The following RUNX2 variants were observed in gnomAD, a reference collection of about 807,000 sequenced individuals.
RUNX2 encodes RUNX family transcription factor 2.
RUNX2 carries 10 observed loss-of-function variants against 51.7 expected under a neutral mutation model. The observed-to-expected ratio is 0.19, with a 90% CI of 0.12 to 0.33. The LOEUF (loss-of-function observed/expected upper bound fraction) is 0.33, where lower values mean the gene tolerates loss of function less well. Ranked by LOEUF, RUNX2 falls within the 10% of genes least tolerant of loss-of-function variation. RUNX2 has a pLI of 1.00. For missense variants in RUNX2, 562 were observed against 691.3 expected, an observed-to-expected ratio of 0.81 and a Z score of 2.10; for synonymous variants, 276 against 273.6, an observed-to-expected ratio of 1.01 and a Z score of -0.09.
Position 45,500,868 on chromosome 6 carries a change from T to C in RUNX2, c.859+8754T>C, listed in dbSNP as rs1165824016. Among the ~76,000 whole-genome samples, 5 of 152,148 alleles carry C rather than the reference T, an allele frequency of 3.3e-5. No individual in the cohort carries two copies. The East Asian group carries it at 9.6e-4, about 29-fold the overall frequency. On this transcript the variant is annotated intron_variant, in intron 6 of 8. Coordinates refer to ENST00000647337, the MANE Select transcript of RUNX2 (RefSeq NM_001024630.4). ...GTACAACACAGGGGAACAAGGAAGA[T>C]GTTGAGCCAGTTTCCCATGTGGGGG...
At chr6:45,512,826 A>G (rs924942020) in intron 7 of RUNX2, among the ~76,000 whole-genome samples, 6 of 152,094 alleles carry the variant, frequency 3.9e-5, no homozygotes, top group African/African-American at 1.4e-4. Flanking sequence ...TATAAGTCCC[A>G]GGAGTCCAAG....
chr6:45,361,679 T>C (rs1055389413), intron 2 of RUNX2: 4 of 152,188 alleles, frequency 2.6e-5, no homozygotes, highest in African/African-American at 9.7e-5. Flanking sequence ...TGCTCAGTTA[T>C]ATGCACTAGG....
At chr6:45,410,625 G>C (rs192871204) in intron 2 of RUNX2, among the ~76,000 whole-genome samples, 3 of 152,150 alleles carry the variant, frequency 2.0e-5, no homozygotes, top group Non-Finnish European at 4.4e-5. Flanking sequence ...TAGGGATGGT[G>C]TTTCCAGACT....
At chr6:45,467,942 T>C (rs1194858615) in intron 5 of RUNX2, among the ~76,000 whole-genome samples, 1 of 152,254 alleles carries the variant, frequency 6.6e-6, no homozygotes, top group African/African-American at 2.4e-5. Flanking sequence ...CTCTTTCTCC[T>C]TAAAGTTCTT....
chr6:45,516,808 A>G (rs1391618801), intron 7 of RUNX2, among the ~76,000 whole-genome samples: 3 of 152,256 alleles, frequency 2.0e-5, no homozygotes, highest in African/African-American at 7.2e-5. Context: ...GGAAGTCATT[A>G]CAAAATACTA....
At chr6:45,461,167 GCTAAT>G (rs1226310933) in intron 5 of RUNX2, among the ~76,000 whole-genome samples, 1 of 152,172 alleles carries the variant, frequency 6.6e-6, no homozygotes, top group Non-Finnish European at 1.5e-5. Flanking sequence ...GTAGAATCAG[GCTAAT>G]GATGCAGGGC....
rs902031954 is a variant in RUNX2, at chr6:45,398,460, A to C, written c.59-24133A>C. 1.6e-4 allele frequency among the ~76,000 whole-genome samples: 25 copies of C among 152,200 alleles called. 1 individual carries two copies. Among genetic ancestry groups the C allele is most frequent in the Admixed American group, 5.2e-4 (8 of 15,274 alleles). ...TTTATATATATAGGCTTTCTTTTGAAACCAATATATATAACATTACAAATG... is the reference window on the plus strand; with the variant it reads ...TTTATATATATAGGCTTTCTTTTGACACCAATATATATAACATTACAAATG... On this transcript the variant is annotated intron_variant, in intron 2 of 8. Coordinates refer to ENST00000647337, the MANE Select transcript of RUNX2 (RefSeq NM_001024630.4).
chr6:45,491,960 T>C lies in RUNX2; in HGVS notation c.705T>C (p.Asp235=). ...REPRRHRQKL[D]DSKPSLFSDR... The stretch of plus-strand genomic sequence containing the variant: ...TTCCAGGGCACAGACAGAAGCTTGA[T>C]GACTCTAAACCTAGTTTGTTCTCTG... Residue 235 remains aspartate (D), a synonymous_variant, in exon 6 of 9, where the codon GAT becomes GAC. Transcript: ENST00000647337. The C allele has an allele frequency of 1.2e-6, 2 of 1,613,972 alleles. No homozygotes were observed.
intron 2 of RUNX2, among the ~76,000 whole-genome samples, chr6:45,364,805 G>C (rs943753028): frequency 6.6e-6 from 1 of 152,102 alleles, no homozygotes; most frequent in African/African-American, 2.4e-5. Flanking sequence ...TACAAGAGTT[G>C]AGAAAAACTA....
At chr6:45,339,945 C>T (rs12199871) in intron 2 of RUNX2, among the ~76,000 whole-genome samples, 32,594 of 152,004 alleles carry the variant, frequency 0.21, 4,410 homozygotes, top group Non-Finnish European at 0.31. Context: ...TTACAACTCC[C>T]TTATATGAGA....
chr6:45,441,472 T>A (rs1798840985), intron 5 of RUNX2, among the ~76,000 whole-genome samples: 1 of 152,256 alleles, frequency 6.6e-6, no homozygotes, highest in South Asian at 2.1e-4. Context: ...CATCAGTTGC[T>A]GCAAGAATGT....
chr6:45,521,178 G>C (rs1801497555), intron 7 of RUNX2, among the ~76,000 whole-genome samples: 3 of 151,970 alleles, frequency 2.0e-5, no homozygotes, highest in African/African-American at 7.3e-5. Context: ...AAGTATTAGT[G>C]GGAAAGAAGA....
At chr6:45,374,090 G>C (rs1006960154) in intron 2 of RUNX2, among the ~76,000 whole-genome samples, 1 of 152,140 alleles carries the variant, frequency 6.6e-6, no homozygotes, top group African/African-American at 2.4e-5. Flanking sequence ...TGAGAAAGCG[G>C]GATGAGGATG....
chr6:45,521,809 G>A (rs1173791665), intron 7 of RUNX2, among the ~76,000 whole-genome samples: 4 of 152,026 alleles, frequency 2.6e-5, no homozygotes, highest in Non-Finnish European at 5.9e-5. Context: ...CCATCTTAAC[G>A]CCTCGTACCC....
At chr6:45,355,115 C>T (rs1235046562) in intron 2 of RUNX2, among the ~76,000 whole-genome samples, 1 of 150,378 alleles carries the variant, frequency 6.6e-6, no homozygotes, top group Non-Finnish European at 1.5e-5. Context: ...TCAGGAGCCA[C>T]AGGAGCATGC....
At position 45,523,006 on chromosome 6, in the gene RUNX2, G is replaced by A. The variant is rs4714856; in HGVS notation, c.1021+10599G>A. ...CAAACAACGTTGTTGCTCTGCTTCA[G>A]CATATACATCCCCATATGCATGAAT... On this transcript the variant is annotated intron_variant, in intron 7 of 8. Transcript: ENST00000647337. 4.5e-3 allele frequency among the ~76,000 whole-genome samples: 691 copies of A among 152,204 alleles called. 19 individuals carry two copies. The highest frequency in any genetic ancestry group is 0.033 in the East Asian group (170 of 5,186).
intron 6 of RUNX2, among the ~76,000 whole-genome samples, chr6:45,499,936 G>A (rs567883110): frequency 1.9e-4 from 29 of 152,040 alleles, no homozygotes; most frequent in African/African-American, 4.1e-4. Flanking sequence ...GTATATGTAC[G>A]TATATATGTA....
chr6:45,371,116 T>C (rs1293510675), intron 2 of RUNX2, among the ~76,000 whole-genome samples: 1 of 152,174 alleles, frequency 6.6e-6, no homozygotes. Context: ...GCAGCAATTA[T>C]ACTCCTAACA....
intron 2 of RUNX2, among the ~76,000 whole-genome samples, chr6:45,409,563 C>A (rs1797906483): frequency 6.6e-6 from 1 of 152,160 alleles, no homozygotes; most frequent in Non-Finnish European, 1.5e-5. Context: ...GCAGTTTCAA[C>A]CTTAATGCCA....
Sources: gnomAD v4.1 joint callset for allele counts (sites outside exome capture counted in the v4.1 genomes callset) on GRCh38, gnomAD v4.1.1 for gene constraint, MANE v1.5 for transcripts, NCBI Gene and HGNC (gene_info 2026-07-23, HGNC 2026-07-21) for gene names.